Variants in GPR39 observed in about 807,000 individuals in gnomAD.
GPR39 encodes zinc sensing receptor.
In GPR39, 23 loss-of-function variants were observed where a neutral mutation model predicts 18.4. The ratio of observed to expected loss-of-function variants is 1.25; its 90% CI spans 0.90 to 1.77. The LOEUF (loss-of-function observed/expected upper bound fraction) is 1.77, where lower values mean the gene tolerates loss of function less well. GPR39 is among the 40% of genes most tolerant of loss of function. The pLI, the probability that GPR39 is intolerant of heterozygous loss-of-function variation, is 0.00. For missense variants in GPR39, 647 were observed against 602.4 expected (o/e 1.07, Z -0.78); for synonymous variants, 280 against 257.9 (o/e 1.09, Z -0.82).
chr2:132,561,742 C>CT (rs1214408443), intron 1 of GPR39, among the ~76,000 whole-genome samples: 2 of 152,154 alleles, frequency 1.3e-5, no homozygotes, highest in Non-Finnish European at 2.9e-5. Flanking sequence ...ACCACGAAAG[C>CT]TGACGGTATA....
intron 1 of GPR39, among the ~76,000 whole-genome samples, chr2:132,521,683 GAT>G (rs1213926608): frequency 8.1e-6 from 1 of 122,990 alleles, no homozygotes; most frequent in Non-Finnish European, 1.7e-5. Flanking sequence ...CCATCTCCGG[GAT>G]CTTGTTCTTT....
chr2:132,637,278 T>C (rs1038149154), intron 1 of GPR39, among the ~76,000 whole-genome samples: 17 of 152,358 alleles, frequency 1.1e-4, no homozygotes, highest in Admixed American at 1.1e-3. Flanking sequence ...GTTTTTCTTC[T>C]TGTACTGAAG....
At chr2:132,480,673 G>A (rs1164016506) in intron 1 of GPR39, among the ~76,000 whole-genome samples, 7 of 152,162 alleles carry the variant, frequency 4.6e-5, no homozygotes, top group Non-Finnish European at 1.0e-4. Flanking sequence ...CAATGCTAAC[G>A]AGAAAATGAT....
intron 1 of GPR39, among the ~76,000 whole-genome samples, chr2:132,530,046 A>G (rs957685601): frequency 6.6e-6 from 1 of 152,082 alleles, no homozygotes; most frequent in African/African-American, 2.4e-5. Context: ...CAGAAGATCA[A>G]CCTACTCTGA....
chr2:132,560,252 C>T (rs1343148209), intron 1 of GPR39, among the ~76,000 whole-genome samples: 1 of 152,176 alleles, frequency 6.6e-6, no homozygotes, highest in Non-Finnish European at 1.5e-5. Context: ...CCCATGGGCC[C>T]TCAATACATT....
chr2:132,475,249 T>C (rs1264694483), intron 1 of GPR39, among the ~76,000 whole-genome samples: 1 of 151,778 alleles, frequency 6.6e-6, no homozygotes, highest in African/African-American at 2.4e-5. Flanking sequence ...TCCTGCATGC[T>C]TGTTCATGAA....
chr2:132,590,013 G>T (rs1217930989), intron 1 of GPR39, among the ~76,000 whole-genome samples: 1 of 152,180 alleles, frequency 6.6e-6, no homozygotes, highest in Non-Finnish European at 1.5e-5. Context: ...ACAAAAACAT[G>T]CCTTTGCAGA....
At position 132,425,375 on chromosome 2, in the gene GPR39, G is replaced by A. The variant is rs564179751; in HGVS notation, c.856+7477G>A. ...TCCTTACTGGGTTGGGGGCAGAGTAGCCATGCATTGCTTGAGAGATTGATG... is the reference window on the plus strand; with the variant it reads ...TCCTTACTGGGTTGGGGGCAGAGTAACCATGCATTGCTTGAGAGATTGATG... On this transcript the variant is annotated intron_variant, in intron 1 of 1. Coordinates refer to ENST00000329321, the MANE Select transcript of GPR39 (RefSeq NM_001508.3). Among the ~76,000 whole-genome samples the A allele has an allele frequency of 2.0e-5, 3 of 152,224 alleles. No homozygotes were observed. The South Asian group carries it at 6.2e-4, about 32-fold the overall frequency.
intron 1 of GPR39, among the ~76,000 whole-genome samples, chr2:132,513,987 C>A (rs1679285534): frequency 6.6e-6 from 1 of 152,198 alleles, no homozygotes; most frequent in African/African-American, 2.4e-5. Flanking sequence ...TGAGTAGCTT[C>A]TTTTGGATAA....
chr2:132,500,036 A>G (rs1355494942), intron 1 of GPR39, among the ~76,000 whole-genome samples: 2 of 152,170 alleles, frequency 1.3e-5, no homozygotes, highest in Non-Finnish European at 2.9e-5. Flanking sequence ...AAACAGCAAC[A>G]GTTTGACTTC....
intron 1 of GPR39, among the ~76,000 whole-genome samples, chr2:132,515,210 C>T (rs1679310573): frequency 6.6e-6 from 1 of 152,178 alleles, no homozygotes; most frequent in Admixed American, 6.6e-5. Context: ...ATCTCTAAGG[C>T]CCCTTCCAGC....
At chr2:132,458,151 A>G (rs1173880089) in intron 1 of GPR39, among the ~76,000 whole-genome samples, 1 of 152,114 alleles carries the variant, frequency 6.6e-6, no homozygotes, top group Non-Finnish European at 1.5e-5. Flanking sequence ...CTGTCCAACC[A>G]GTCCCAATGA....
chr2:132,534,381 A>G (rs899486799), intron 1 of GPR39, among the ~76,000 whole-genome samples: 8 of 149,622 alleles, frequency 5.3e-5, no homozygotes, highest in Non-Finnish European at 4.4e-5. Flanking sequence ...ACACTTTTAC[A>G]CTGTTGATGG....
chr2:132,532,744 A>T, intron 1 of GPR39, among the ~76,000 whole-genome samples: 1 of 152,268 alleles, frequency 6.6e-6, no homozygotes, highest in Non-Finnish European at 1.5e-5. Flanking sequence ...AAGACAAAAA[A>T]CACTTGATTA....
At chr2:132,606,585 G>T (rs1558856545) in intron 1 of GPR39, among the ~76,000 whole-genome samples, 1 of 152,236 alleles carries the variant, frequency 6.6e-6, no homozygotes, top group Admixed American at 6.5e-5. Flanking sequence ...GTGTATTACA[G>T]TGTGCTCCTT....
rs557635948 is a variant in GPR39, at chr2:132,592,977, G to A, written c.857-52124G>A. Reference sequence around the variant, plus strand: ...CTACACATTTAGGTTTGATGACCACGACCACCCTCAGGTTTCGTAATTCAC... The same window carrying A: ...CTACACATTTAGGTTTGATGACCACAACCACCCTCAGGTTTCGTAATTCAC... On this transcript the variant is annotated intron_variant, in intron 1 of 1. Transcript: ENST00000329321. Among the ~76,000 whole-genome samples, 11 of 152,242 alleles carry A rather than the reference G, an allele frequency of 7.2e-5. 1 individual carries two copies. The highest frequency in any genetic ancestry group is 3.4e-3 in the Middle Eastern group (1 of 294).
chr2:132,425,943 G>T (rs187831084), intron 1 of GPR39, among the ~76,000 whole-genome samples: 12 of 152,288 alleles, frequency 7.9e-5, no homozygotes, highest in African/African-American at 2.9e-4. Flanking sequence ...GGCATACCTT[G>T]CCTGGATCTC....
At chr2:132,455,265 G>A (rs560929962) in intron 1 of GPR39, among the ~76,000 whole-genome samples, 1 of 152,140 alleles carries the variant, frequency 6.6e-6, no homozygotes, top group Admixed American at 6.5e-5. Context: ...TAGTTTATTT[G>A]CATAGAGGTG....
chr2:132,476,345 A>G (rs761790986), intron 1 of GPR39, among the ~76,000 whole-genome samples: 7 of 152,144 alleles, frequency 4.6e-5, no homozygotes, highest in Non-Finnish European at 8.8e-5. Flanking sequence ...ATTGAAAGAT[A>G]TATTCCCAGG....
Sources: allele counts gnomAD v4.1 joint callset (sites outside exome capture counted in the v4.1 genomes callset), GRCh38; gene constraint gnomAD v4.1.1; transcripts MANE v1.5; gene names NCBI Gene and HGNC (gene_info 2026-07-23, HGNC 2026-07-21).